USP6NL: variants seen among roughly 807,000 people sequenced by gnomAD.
USP6NL encodes USP6 N-terminal-like protein.
In USP6NL, 26 loss-of-function variants were observed where a neutral mutation model predicts 61.9. The ratio of observed to expected loss-of-function variants is 0.42; its 90% CI spans 0.31 to 0.58. The LOEUF is 0.58. Ranked by LOEUF, USP6NL falls within the 20% of genes least tolerant of loss-of-function variation. The pLI, the probability that USP6NL is intolerant of heterozygous loss-of-function variation, is 0.16. For synonymous variants in USP6NL, 432 were observed against 390.1 expected (o/e 1.11, Z -1.27); for missense variants, 1,114 against 1,034.3 (o/e 1.08, Z -1.06).
chr10:11,545,541 A>T (rs1836242696), intron 2 of USP6NL, among the ~76,000 whole-genome samples: 1 of 152,212 alleles, frequency 6.6e-6, no homozygotes, highest in South Asian at 2.1e-4. Context: ...AAGGGTCAGC[A>T]TTTTGCTGAG....
chr10:11,590,251 A>G (rs1188510388), intron 2 of USP6NL, among the ~76,000 whole-genome samples: 1 of 152,114 alleles, frequency 6.6e-6, no homozygotes, highest in East Asian at 1.9e-4. Context: ...AGTCACACCA[A>G]AATACTATTT....
intron 2 of USP6NL, among the ~76,000 whole-genome samples, chr10:11,578,518 C>A (rs1837632921): frequency 6.6e-6 from 1 of 152,150 alleles, no homozygotes; most frequent in Admixed American, 6.5e-5. Context: ...GCGGAAGGAT[C>A]CCTTGAGCCC....
rs763104280 is a variant in USP6NL, at chr10:11,462,952, C to A, written c.1976G>T (p.Ser659Ile). ...GGAAGGATTCAGTTGAGTCCCAGGG[C>A]TAAACTGTGGAGAAGCAAAGCTGCT... Reference protein sequence around the residue: ...ANSSFASPQFSPGTQLNPSRR... With the variant: ...ANSSFASPQFIPGTQLNPSRR... Residue 659 changes from serine to isoleucine, a missense_variant, in exon 15 of 15, where the codon AGC (serine) becomes ATC (isoleucine). Physicochemically the swap from Ser to Ile is moderately radical, Grantham distance 142. Coordinates refer to ENST00000609104, the MANE Select transcript of USP6NL (RefSeq NM_014688.5). 1.2e-6 allele frequency: 2 copies of A among 1,613,604 alleles called. No homozygotes were observed. Among genetic ancestry groups the A allele is most frequent in the Non-Finnish European group, 1.7e-6 (2 of 1,179,754 alleles).
intron 6 of USP6NL, among the ~76,000 whole-genome samples, chr10:11,508,387 C>A (rs1591861557): frequency 1.3e-5 from 2 of 152,090 alleles, no homozygotes; most frequent in East Asian, 3.9e-4. Flanking sequence ...AAAATATGGC[C>A]CATGAAACCA....
rs1838882307 is a variant in USP6NL at position 11,611,233 on chromosome 10, G to GGGCGCGGGGACACACAGGCAGCCCC, written c.-84+185_-84+209dup. On this transcript the variant is annotated intron_variant, in intron 1 of 14. Transcript: ENST00000609104. This position sits in a 1 kb window ranked among gnomAD's most constrained non-coding sequence, Gnocchi z 5.3. ...CATCGCCCCGCGGACCCCACGCTCC[G>GGGCGCGGGGACACACAGGCAGCCCC]GGCGCGGGGACACACAGGCAGCCCC... is the stretch of plus-strand genomic sequence containing the variant. 6.6e-6 allele frequency: 1 copy of GGGCGCGGGGACACACAGGCAGCCCC among 151,576 alleles called. No individual in the cohort carries two copies. The highest frequency in any genetic ancestry group is 2.1e-4 in the South Asian group (1 of 4,824). 9.4% of individuals were successfully genotyped at this position (151,576 alleles called of 1,614,324 possible).
chr10:11,583,276 C>T lies in USP6NL; in HGVS notation c.4+14355G>A, dbSNP rs988829161. On this transcript the variant is annotated intron_variant, in intron 2 of 14. Transcript: ENST00000609104. Reference sequence around the variant, plus strand: ...CCATCTCTGCTCACTGCAAGCTCCGCCTCCCGGGTTCACGCCATTCTCCGC... The same window carrying T: ...CCATCTCTGCTCACTGCAAGCTCCGTCTCCCGGGTTCACGCCATTCTCCGC... 6.0e-5 allele frequency among the ~76,000 whole-genome samples: 9 copies of T among 150,642 alleles called. No individual in the cohort carries two copies. The South Asian group carries it at 6.3e-4, about 11-fold the overall frequency.
In USP6NL at chr10:11,525,348, A is replaced by G; in HGVS notation, c.155+38T>C. 1 of 1,518,398 alleles carries G rather than the reference A, an allele frequency of 6.6e-7. No individual in the cohort carries two copies. The highest frequency in any genetic ancestry group is 8.9e-7 in the Non-Finnish European group (1 of 1,119,564). The allele number at this position is 1,518,398 out of a possible 1,614,324, so 94.1% of individuals were successfully genotyped here. A position where few individuals can be genotyped will look rare whatever the true frequency, so the allele number is the denominator to read the frequency against. On this transcript the variant is annotated intron_variant, in intron 4 of 14. Transcript: ENST00000609104. This position sits in a 1 kb window ranked among gnomAD's most constrained non-coding sequence, Gnocchi z 5.0. ...TATAATAGGTGACCACAGAAACGTT[A>G]TAATCTAAAAAGCAAGCTTTCAATC...
In USP6NL at chr10:11,495,672, T is replaced by C. The variant is rs1467143339; in HGVS notation, c.385-2444A>G. Among the ~76,000 whole-genome samples, 1 of 152,234 alleles carries C rather than the reference T, an allele frequency of 6.6e-6. No homozygotes were observed. Among genetic ancestry groups the C allele is most frequent in the Non-Finnish European group, 1.5e-5 (1 of 68,046 alleles). On this transcript the variant is annotated intron_variant, in intron 7 of 14. Coordinates refer to ENST00000609104, the MANE Select transcript of USP6NL (RefSeq NM_014688.5). This position sits in a 1 kb window ranked among gnomAD's most constrained non-coding sequence, Gnocchi z 4.6. ...GTTCCTTTTTATAGCATTCTATACT[T>C]GTTTTATGGATGCAGTATCTATTTT... is the stretch of plus-strand genomic sequence containing the variant.
At position 11,461,845 on chromosome 10, in the gene USP6NL, A is replaced by G. The variant is rs1247581809; in HGVS notation, c.*596T>C. On this transcript the variant is annotated 3_prime_UTR_variant, in exon 15 of 15. Transcript: ENST00000609104. Reference sequence around the variant, plus strand: ...TGAGACTGCAATTAATAAAGTCAGGACAAACTCTTCAGTCAGTTTAGGACC... The same window carrying G: ...TGAGACTGCAATTAATAAAGTCAGGGCAAACTCTTCAGTCAGTTTAGGACC... 1 of 152,300 alleles carries G rather than the reference A, an allele frequency of 6.6e-6. No individual in the cohort carries two copies. The highest frequency in any genetic ancestry group is 1.5e-5 in the Non-Finnish European group (1 of 68,098). 9.4% of individuals were successfully genotyped at this position (152,300 alleles called of 1,614,324 possible).
rs1469974444 is a variant in USP6NL, at chr10:11,525,897, GCTC to G, written c.73-432_73-430del. On this transcript the variant is annotated intron_variant, in intron 3 of 14. Coordinates refer to ENST00000609104, the MANE Select transcript of USP6NL (RefSeq NM_014688.5). This position sits in a 1 kb window ranked among gnomAD's most constrained non-coding sequence, Gnocchi z 5.0. ...ACTCCTTAGAGAAGCAGGCAGAGAA[GCTC>G]CTCGTCTAGTTCTTTACTTCACAGC... Among the ~76,000 whole-genome samples, 1 of 152,202 alleles carries G rather than the reference GCTC, an allele frequency of 6.6e-6. No individual in the cohort carries two copies. Among genetic ancestry groups the G allele is most frequent in the African/African-American group, 2.4e-5 (1 of 41,440 alleles).
chr10:11,469,451 G>A (rs886458501), intron 14 of USP6NL, among the ~76,000 whole-genome samples: 3 of 152,156 alleles, frequency 2.0e-5, no homozygotes, highest in Non-Finnish European at 4.4e-5. Flanking sequence ...GGTTCGGGGG[G>A]GAAGAAATCC....
At chr10:11,581,385 T>C (rs1446487999) in intron 2 of USP6NL, among the ~76,000 whole-genome samples, 2 of 152,236 alleles carry the variant, frequency 1.3e-5, no homozygotes, top group African/African-American at 4.8e-5. Context: ...ACAAGAATAT[T>C]TGGACTCTGC....
At chr10:11,506,375 C>T (rs1834432182) in intron 6 of USP6NL, among the ~76,000 whole-genome samples, 1 of 152,186 alleles carries the variant, frequency 6.6e-6, no homozygotes, top group African/African-American at 2.4e-5. Context: ...GGCACAGTGG[C>T]TCATGCCTGT....
At chr10:11,606,872 C>T (rs1838720954) in intron 1 of USP6NL, among the ~76,000 whole-genome samples, 1 of 149,864 alleles carries the variant, frequency 6.7e-6, no homozygotes, top group Admixed American at 6.6e-5. Flanking sequence ...CTCAGTGCAA[C>T]CTCCATCTCT....
At chr10:11,581,251 T>C (rs1241654317) in intron 2 of USP6NL, among the ~76,000 whole-genome samples, 1 of 152,206 alleles carries the variant, frequency 6.6e-6, no homozygotes, top group East Asian at 1.9e-4. Context: ...CTTTTAGACT[T>C]ACTTTGTACT....
intron 2 of USP6NL, among the ~76,000 whole-genome samples, chr10:11,549,691 A>G (rs1380750577): frequency 6.6e-6 from 1 of 152,198 alleles, no homozygotes; most frequent in African/African-American, 2.4e-5. Context: ...CCCACATTTA[A>G]TATGTTTCTA....
rs527485369 is a variant in USP6NL, at chr10:11,611,093, G to A, written c.-84+350C>T. Among the ~76,000 whole-genome samples the A allele has an allele frequency of 6.6e-6, 1 of 152,106 alleles. No homozygotes were observed. Among genetic ancestry groups the A allele is most frequent in the Admixed American group, 6.5e-5 (1 of 15,272 alleles). Reference sequence around the variant, plus strand: ...CTGCCCACTGGGGCTCGGGAGACGCGACCGAAACTTGCGAGGGAGACGCGC... The same window carrying A: ...CTGCCCACTGGGGCTCGGGAGACGCAACCGAAACTTGCGAGGGAGACGCGC... On this transcript the variant is annotated intron_variant, in intron 1 of 14. Transcript: ENST00000609104. This position sits in a 1 kb window ranked among gnomAD's most constrained non-coding sequence, Gnocchi z 5.3.
Position 11,537,636 on chromosome 10 carries a change from A to G in USP6NL, c.5-10069T>C, listed in dbSNP as rs927155734. Among the ~76,000 whole-genome samples, 2 of 152,130 alleles carry G rather than the reference A, an allele frequency of 1.3e-5. No individual in the cohort carries two copies. Among genetic ancestry groups the G allele is most frequent in the Non-Finnish European group, 2.9e-5 (2 of 68,026 alleles). The stretch of plus-strand genomic sequence containing the variant: ...TTTTTTCATTAAATTTGCAGAATAC[A>G]CTCTTCAAACAAATTCTATAAATGC... On this transcript the variant is annotated intron_variant, in intron 2 of 14. Coordinates refer to ENST00000609104, the MANE Select transcript of USP6NL (RefSeq NM_014688.5). This position sits in a 1 kb window ranked among gnomAD's most constrained non-coding sequence, Gnocchi z 5.1.
At position 11,485,943 on chromosome 10, in the gene USP6NL, A is replaced by G. The variant is rs956166441; in HGVS notation, c.665-32T>C. The G allele has an allele frequency of 2.7e-5, 38 of 1,399,912 alleles. No homozygotes were observed. Among genetic ancestry groups the G allele is most frequent in the African/African-American group, 4.4e-5 (3 of 68,894 alleles). The allele number at this position is 1,399,912 out of a possible 1,614,324, so 86.7% of individuals were successfully genotyped here. A position where few individuals can be genotyped will look rare whatever the true frequency, so the allele number is the denominator to read the frequency against. On this transcript the variant is annotated intron_variant, in intron 10 of 14. Transcript: ENST00000609104. The surrounding 1 kb of genome is among the most constrained non-coding windows in gnomAD (Gnocchi z 4.8). ...TACAAACATAAAAACAACATTTCAT[A>G]AACAATACCAACAAAACCCTCCAAT...
Sources: gnomAD v4.1 joint callset for allele counts (sites outside exome capture counted in the v4.1 genomes callset) on GRCh38, gnomAD v4.1.1 for gene constraint, Gnocchi (gnomAD v3.1) non-coding constraint, MANE v1.5 for transcripts, NCBI Gene and HGNC (gene_info 2026-07-23, HGNC 2026-07-21) for gene names.